Variants in DYNC1LI1 observed in about 807,000 individuals in gnomAD.
The protein encoded by DYNC1LI1 is cytoplasmic dynein 1 light intermediate chain 1.
Under a neutral mutation model 63.8 loss-of-function variants are expected in DYNC1LI1, and 19 were observed. The observed-to-expected ratio is 0.30, with a 90% confidence interval of 0.21 to 0.44. The LOEUF (loss-of-function observed/expected upper bound fraction) is 0.44. Among genes scored for constraint, DYNC1LI1 ranks in the 20% least tolerant of loss-of-function variants. The pLI is 1.00. For missense variants in DYNC1LI1, 565 were observed against 630.2 expected, an observed-to-expected ratio of 0.90 and a Z score of 1.11; for synonymous variants, 225 against 232.3, an observed-to-expected ratio of 0.97 and a Z score of 0.28.
chr3:32,545,686 C>T, intron 3 of DYNC1LI1, 163 bp downstream of exon 3: 2 of 644,112 alleles, frequency 3.1e-6, no homozygotes, highest in Middle Eastern at 3.6e-4. Flanking sequence ...GAATCCCAAT[C>T]CCAAATTAAT....
chr3:32,554,634 C>A (rs780942317), intron 2 of DYNC1LI1, among the ~76,000 whole-genome samples: 1 of 152,158 alleles, frequency 6.6e-6, no homozygotes, highest in Non-Finnish European at 1.5e-5. Context: ...AAGGGTACAA[C>A]TCCCTTTAGC....
intron 7 of DYNC1LI1, among the ~76,000 whole-genome samples, chr3:32,533,528 G>A (rs1372151634): frequency 6.6e-6 from 1 of 151,068 alleles, no homozygotes; most frequent in African/African-American, 2.4e-5. Context: ...TTGGGGGAAG[G>A]GGGCAGTAAT....
chr3:32,557,922 A>G (rs1364220452), intron 2 of DYNC1LI1, among the ~76,000 whole-genome samples: 7 of 152,104 alleles, frequency 4.6e-5, no homozygotes, highest in Non-Finnish European at 1.0e-4. Flanking sequence ...TCCATAAAGA[A>G]CCCTTTAGGT....
At chr3:32,537,998 T>TTATATATATAATTTATTA (rs1697813919) in intron 5 of DYNC1LI1, among the ~76,000 whole-genome samples, 1 of 47,754 alleles carries the variant, frequency 2.1e-5, no homozygotes, top group African/African-American at 1.1e-4. Context: ...TATATATAAT[T>TTATATATATAATTTATTA]TATATATATA....
intron 2 of DYNC1LI1, among the ~76,000 whole-genome samples, chr3:32,568,026 T>C (rs1023575113): frequency 2.0e-5 from 3 of 152,044 alleles, no homozygotes; most frequent in African/African-American, 7.2e-5. Flanking sequence ...TTTGTAGACA[T>C]GGGGTTTCAC....
rs575832694 is a variant in DYNC1LI1, at chr3:32,547,492, A to C, written c.221-1527T>G. On this transcript the variant is annotated intron_variant, in intron 2 of 12. Transcript: ENST00000273130. The stretch of plus-strand genomic sequence containing the variant: ...AAGCTAAAAAAAACATATATGTCTT[A>C]AGTCTTTATATCTGAATGCTGCCAC... Among the ~76,000 whole-genome samples the C allele has an allele frequency of 6.6e-5, 10 of 152,256 alleles. No homozygotes were observed. The South Asian group carries it at 2.1e-3, about 32-fold the overall frequency.
At chr3:32,536,658 A>G (rs564633398) in intron 6 of DYNC1LI1, among the ~76,000 whole-genome samples, 99 of 152,280 alleles carry the variant, frequency 6.5e-4, no homozygotes, top group Non-Finnish European at 1.1e-3. Context: ...ATGAAAACAC[A>G]AAAAACACAA....
intron 2 of DYNC1LI1, among the ~76,000 whole-genome samples, chr3:32,553,319 G>A (rs1361147142): frequency 6.6e-6 from 1 of 152,120 alleles, no homozygotes; most frequent in African/African-American, 2.4e-5. Context: ...CCGGGAAGCA[G>A]AGTGAGACAC....
At chr3:32,557,065 G>A (rs1039512703) in intron 2 of DYNC1LI1, among the ~76,000 whole-genome samples, 1 of 152,042 alleles carries the variant, frequency 6.6e-6, no homozygotes, top group Non-Finnish European at 1.5e-5. Context: ...TTGGACCAAG[G>A]GTTGGTCCTT....
At chr3:32,570,311 G>A (rs765884648) in intron 2 of DYNC1LI1, 35 bp downstream of exon 2, 5 of 1,518,418 alleles carry the variant, frequency 3.3e-6, no homozygotes, top group Non-Finnish European at 4.5e-6. Context: ...GCCGCTGGGG[G>A]CCGGGCGGGG....
chr3:32,529,674 G>A lies in DYNC1LI1; in HGVS notation c.1186-14C>T, dbSNP rs1697669355. The A allele has an allele frequency of 1.3e-6, 2 of 1,561,418 alleles. No individual in the cohort carries two copies. Among genetic ancestry groups the A allele is most frequent in the Non-Finnish European group, 1.7e-6 (2 of 1,156,986 alleles). On this transcript the variant is annotated splice_polypyrimidine_tract_variant and intron_variant, in intron 10 of 12. Coordinates refer to ENST00000273130, the MANE Select transcript of DYNC1LI1 (RefSeq NM_016141.4). ...TGGTGAGGCATCCTATGTAAAAATA[G>A]GAAAATACAATTATAAAAACCTGAA...
intron 2 of DYNC1LI1, among the ~76,000 whole-genome samples, chr3:32,558,370 TTTTTG>T (rs1238768888): frequency 6.6e-6 from 1 of 151,192 alleles, no homozygotes; most frequent in Non-Finnish European, 1.5e-5. Flanking sequence ...TGTCACACAT[TTTTTG>T]TTTTATTCCC....
intron 2 of DYNC1LI1, among the ~76,000 whole-genome samples, chr3:32,569,757 ATCCATTT>A (rs1698315800): frequency 6.6e-6 from 1 of 152,202 alleles, no homozygotes; most frequent in African/African-American, 2.4e-5. Flanking sequence ...TCCTTATTAC[ATCCATTT>A]GGCTGAAAAG....
intron 2 of DYNC1LI1, among the ~76,000 whole-genome samples, chr3:32,564,872 A>G (rs1314910020): frequency 6.6e-6 from 1 of 152,206 alleles, no homozygotes; most frequent in African/African-American, 2.4e-5. Context: ...AGAAAACCAT[A>G]CACTCCCTTG....
At chr3:32,529,952 T>G (rs1697673035) in intron 10 of DYNC1LI1, among the ~76,000 whole-genome samples, 1 of 152,234 alleles carries the variant, frequency 6.6e-6, no homozygotes, top group African/African-American at 2.4e-5. Flanking sequence ...CAATCTGGAC[T>G]TGTATTCTAC....
intron 2 of DYNC1LI1, among the ~76,000 whole-genome samples, chr3:32,569,426 T>C (rs1698310708): frequency 6.6e-6 from 1 of 152,226 alleles, no homozygotes; most frequent in South Asian, 2.1e-4. Context: ...GACTTCTTGT[T>C]TCCTGTTTTT....
intron 2 of DYNC1LI1, among the ~76,000 whole-genome samples, chr3:32,560,177 G>A (rs559578928): frequency 6.6e-6 from 1 of 152,326 alleles, no homozygotes; most frequent in African/African-American, 2.4e-5. Context: ...GCTCACAGCT[G>A]TAATCCCAAA....
At chr3:32,552,454 C>G (rs907904050) in intron 2 of DYNC1LI1, among the ~76,000 whole-genome samples, 2 of 152,084 alleles carry the variant, frequency 1.3e-5, no homozygotes, top group Non-Finnish European at 2.9e-5. Flanking sequence ...GTCACTGAGA[C>G]CCCCAGCTTT....
intron 2 of DYNC1LI1, among the ~76,000 whole-genome samples, chr3:32,549,986 G>C (rs1698009975): frequency 6.6e-6 from 1 of 152,104 alleles, no homozygotes; most frequent in Admixed American, 6.6e-5. Flanking sequence ...ATATTATCTA[G>C]AAATAATCAT....
Sources: gnomAD v4.1 joint callset for allele counts (sites outside exome capture counted in the v4.1 genomes callset) on GRCh38, gnomAD v4.1.1 for gene constraint, MANE v1.5 for transcripts, NCBI Gene and HGNC (gene_info 2026-07-23, HGNC 2026-07-21) for gene names.